The following ITPR1 variants were observed in gnomAD, a reference collection of about 807,000 sequenced individuals.
ITPR1 encodes inositol 1,4,5-trisphosphate-gated calcium channel ITPR1.
In ITPR1, 96 loss-of-function variants were observed where a neutral mutation model predicts 318.4. The observed-to-expected ratio is 0.30, with a 90% CI of 0.26 to 0.36. ITPR1 has a LOEUF of 0.36. Among genes scored for constraint, ITPR1 ranks in the 10% least tolerant of loss-of-function variants. ITPR1 has a pLI of 1.00. For missense variants in ITPR1, 2,440 were observed against 3,460.2 expected (o/e 0.71, Z 7.40); for synonymous variants, 1,312 against 1,289.9 (o/e 1.02, Z -0.37).
intron 44 of ITPR1, among the ~76,000 whole-genome samples, chr3:4,744,837 G>A (rs2043961510): frequency 6.6e-6 from 1 of 151,940 alleles, no homozygotes; most frequent in Non-Finnish European, 1.5e-5. Flanking sequence ...CTAATAAATG[G>A]GAATTCAGGG....
chr3:4,844,940 A>G (rs1285061630), intron 61 of ITPR1, among the ~76,000 whole-genome samples: 1 of 152,230 alleles, frequency 6.6e-6, no homozygotes, highest in East Asian at 1.9e-4. Context: ...GTCTTGTTTT[A>G]TGTTCTCTCC....
chr3:4,674,354 A>G lies in ITPR1; in HGVS notation c.2598+11A>G, dbSNP rs1377197295. 6.2e-7 allele frequency: 1 copy of G among 1,600,846 alleles called. No individual in the cohort carries two copies. Among genetic ancestry groups the G allele is most frequent in the African/African-American group, 1.3e-5 (1 of 74,518 alleles). On this transcript the variant is annotated intron_variant, in intron 22 of 61. Coordinates refer to ENST00000649015, the MANE Select transcript of ITPR1 (RefSeq NM_001378452.1). ...AAGCTTACGTTTGAGGTAACTCATG[A>G]TGAAATCTTCTATGTGTATTATCTG...
At chr3:4,658,045 C>T in intron 12 of ITPR1, 79 bp from the exon 13 acceptor site, 2 of 1,360,452 alleles carry the variant, frequency 1.5e-6, no homozygotes, top group Non-Finnish European at 2.0e-6. Context: ...CTTCTCCGTT[C>T]CTGTGGATTG....
chr3:4,659,430 G>C (rs7616631), intron 13 of ITPR1, among the ~76,000 whole-genome samples: 48,248 of 152,020 alleles, frequency 0.32, 8,325 homozygotes, highest in African/African-American at 0.45. Flanking sequence ...CCTGTAATCC[G>C]AGCACTTTGG....
chr3:4,545,261 C>T (rs1048541863), intron 4 of ITPR1, among the ~76,000 whole-genome samples: 1 of 152,040 alleles, frequency 6.6e-6, no homozygotes, highest in East Asian at 1.9e-4. Context: ...TAGTTTTTCC[C>T]AGAAAGCAGT....
Position 4,718,148 on chromosome 3 carries a change from A to C in ITPR1, c.5136+749A>C, listed in dbSNP as rs537265228. 6.9e-4 allele frequency among the ~76,000 whole-genome samples: 105 copies of C among 152,338 alleles called. 1 individual carries two copies. Among genetic ancestry groups the C allele is most frequent in the Middle Eastern group, 3.4e-3 (1 of 294 alleles). On this transcript the variant is annotated intron_variant, in intron 40 of 61. Coordinates refer to ENST00000649015, the MANE Select transcript of ITPR1 (RefSeq NM_001378452.1). Reference sequence around the variant, plus strand: ...TGTTTTCTGTTTTGTGCATTTCTTCAGTATTCCTTGCTGTATTTTTAGGTT... The same window carrying C: ...TGTTTTCTGTTTTGTGCATTTCTTCCGTATTCCTTGCTGTATTTTTAGGTT...
chr3:4,685,141 C>T lies in ITPR1; in HGVS notation c.3637C>T (p.Arg1213Cys), dbSNP rs747249457. ...GAGAAAGAGCAGGAAGCAGCAACAG[C>T]GTCTGCTCCGGAACATGGGCGCGCA... is the stretch of plus-strand genomic sequence containing the variant. Reference protein sequence around the residue: ...SVRKSRKQQQRLLRNMGAHAV... With the variant: ...SVRKSRKQQQCLLRNMGAHAV... The change falls in exon 30 of 62, where the codon CGT becomes TGT. Residue 1213 changes from arginine to cysteine, a missense_variant. By Grantham distance (180) the Arg-to-Cys change is radical. Transcript: ENST00000649015. The T allele has an allele frequency of 6.2e-7, 1 of 1,609,982 alleles. No individual in the cohort carries two copies. Among genetic ancestry groups the T allele is most frequent in the Non-Finnish European group, 8.5e-7 (1 of 1,178,860 alleles).
At chr3:4,503,380 C>T (rs1296243063) in intron 2 of ITPR1, among the ~76,000 whole-genome samples, 1 of 152,152 alleles carries the variant, frequency 6.6e-6, no homozygotes, top group African/African-American at 2.4e-5. Context: ...AACATCTGTG[C>T]ATCTGTTTCC....
intron 16 of ITPR1, 81 bp from the exon 17 acceptor site, chr3:4,665,057 G>A: frequency 6.8e-7 from 1 of 1,460,044 alleles, no homozygotes; most frequent in Non-Finnish European, 9.6e-7. Flanking sequence ...AGCCACCCTT[G>A]AGCTTGCATT....
rs2094339668 is a variant in ITPR1, at chr3:4,683,647, G to A, written c.3347G>A (p.Ser1116Asn). 1.2e-6 allele frequency: 2 copies of A among 1,614,058 alleles called. No homozygotes were observed. The highest frequency in any genetic ancestry group is 1.3e-5 in the African/African-American group (1 of 75,072). The change falls in exon 28 of 62, where the codon AGC becomes AAC. Residue 1116 changes from serine to asparagine, a missense_variant. By Grantham distance (46) the Ser-to-Asn change is conservative. Transcript: ENST00000649015. The part of the protein sequence containing the change: ...AFKQVQLLVT[S>N]QDVDNYKQIK... ...ATTAAGGTTCAACTGCTGGTTACCA[G>A]CCAAGATGTGGACAACTACAAACAG...
chr3:4,632,680 G>C (rs369188725), intron 5 of ITPR1, among the ~76,000 whole-genome samples: 7 of 152,234 alleles, frequency 4.6e-5, no homozygotes, highest in African/African-American at 1.4e-4. Flanking sequence ...AGCCCCATTT[G>C]CAACCTGTGC....
Position 4,724,705 on chromosome 3 carries a change from G to A in ITPR1, c.5137-841G>A, listed in dbSNP as rs147487090. 7.5e-3 allele frequency among the ~76,000 whole-genome samples: 1,146 copies of A among 152,306 alleles called. 8 individuals are homozygous for A. The highest frequency in any genetic ancestry group is 0.026 in the African/African-American group (1,065 of 41,570). ...ATTCACGGCACTGTCTGCAGATGGAGCGGTGGACTTTTCTCCAGGCACACC... is the reference window on the plus strand; with the variant it reads ...ATTCACGGCACTGTCTGCAGATGGAACGGTGGACTTTTCTCCAGGCACACC... On this transcript the variant is annotated intron_variant, in intron 40 of 61. Transcript: ENST00000649015.
At chr3:4,585,050 C>T (rs1401125635) in intron 4 of ITPR1, among the ~76,000 whole-genome samples, 1 of 152,158 alleles carries the variant, frequency 6.6e-6, no homozygotes, top group South Asian at 2.1e-4. Context: ...TGGTGAGACC[C>T]ACCCTCCGAG....
chr3:4,659,557 C>T (rs975732609), intron 13 of ITPR1, among the ~76,000 whole-genome samples: 1 of 151,970 alleles, frequency 6.6e-6, no homozygotes, highest in Admixed American at 6.6e-5. Flanking sequence ...CATGGTGGCA[C>T]ACACCTGTAG....
At chr3:4,509,458 A>T (rs2081635799) in intron 2 of ITPR1, among the ~76,000 whole-genome samples, 1 of 152,208 alleles carries the variant, frequency 6.6e-6, no homozygotes, top group Non-Finnish European at 1.5e-5. Context: ...TCTTGATCTA[A>T]CACTGTAAAT....
intron 4 of ITPR1, among the ~76,000 whole-genome samples, chr3:4,553,427 A>G (rs2085771666): frequency 6.6e-6 from 1 of 151,792 alleles, no homozygotes; most frequent in Admixed American, 6.6e-5. Context: ...TGTTCTTGCT[A>G]TTGTTATTAT....
chr3:4,556,833 G>A (rs774727682), intron 4 of ITPR1, among the ~76,000 whole-genome samples: 15 of 152,246 alleles, frequency 9.9e-5, no homozygotes, highest in Admixed American at 1.3e-4. Flanking sequence ...AAATACCAAG[G>A]ATCATCAGAG....
At chr3:4,559,334 G>A (rs2086450880) in intron 4 of ITPR1, among the ~76,000 whole-genome samples, 1 of 152,084 alleles carries the variant, frequency 6.6e-6, no homozygotes. Context: ...TGTTAAAAAT[G>A]TGTGCATGCA....
intron 4 of ITPR1, among the ~76,000 whole-genome samples, chr3:4,557,278 G>C (rs938739989): frequency 6.6e-6 from 1 of 152,208 alleles, no homozygotes; most frequent in Non-Finnish European, 1.5e-5. Context: ...GCAAGAGAGA[G>C]CAGGTGCAGG....
Sources: gnomAD v4.1 joint callset for allele counts (sites outside exome capture counted in the v4.1 genomes callset) on GRCh38, gnomAD v4.1.1 for gene constraint, MANE v1.5 for transcripts, NCBI Gene and HGNC (gene_info 2026-07-23, HGNC 2026-07-21) for gene names.